MACROD2: variants seen among roughly 807,000 people sequenced by gnomAD.
MACROD2 encodes the protein mono-ADP ribosylhydrolase 2.
In MACROD2, 36 loss-of-function variants were observed where a neutral mutation model predicts 70.4. That is an observed-to-expected ratio of 0.51 (90% CI 0.39 to 0.68). The LOEUF (loss-of-function observed/expected upper bound fraction) is 0.68, where lower values mean the gene tolerates loss of function less well. Ranked by LOEUF, MACROD2 falls within the 30% of genes least tolerant of loss-of-function variation. MACROD2 has a pLI of 0.00. For synonymous variants in MACROD2, 172 were observed against 178.8 expected (o/e 0.96, Z 0.30); for missense variants, 496 against 538.4 (o/e 0.92, Z 0.78).
chr20:14,509,051 G>A (rs1016747006), intron 4 of MACROD2, among the ~76,000 whole-genome samples: 3 of 152,154 alleles, frequency 2.0e-5, no homozygotes, highest in Admixed American at 6.5e-5. Flanking sequence ...AGGAAAATCT[G>A]TATCTAGTTT....
chr20:15,764,987 C>G (rs561815210), intron 8 of MACROD2, among the ~76,000 whole-genome samples: 3 of 152,298 alleles, frequency 2.0e-5, no homozygotes, highest in African/African-American at 7.2e-5. Context: ...AGCCTTTTCA[C>G]TTGCTGTTCC....
chr20:15,007,290 G>A (rs961005254), intron 5 of MACROD2, among the ~76,000 whole-genome samples: 1 of 152,040 alleles, frequency 6.6e-6, no homozygotes, highest in African/African-American at 2.4e-5. Context: ...CGTGAACCTG[G>A]GAGTTGGAGG....
chr20:15,348,266 G>A (rs1446718942), intron 6 of MACROD2, among the ~76,000 whole-genome samples: 5 of 152,188 alleles, frequency 3.3e-5, no homozygotes, highest in Middle Eastern at 3.2e-3. Context: ...AAGGTTCTGA[G>A]TCCCTGGGAA....
chr20:14,800,360 C>G (rs766727341), intron 5 of MACROD2, among the ~76,000 whole-genome samples: 2 of 151,926 alleles, frequency 1.3e-5, no homozygotes, highest in Non-Finnish European at 2.9e-5. Flanking sequence ...AAATCCTTGT[C>G]CCAAAGAAAT....
chr20:14,327,159 T>C lies in MACROD2; in HGVS notation c.272-166320T>C, dbSNP rs777820600. On this transcript the variant is annotated intron_variant, in intron 3 of 17. Transcript: ENST00000684519. ...AAAGTGAATCATAAGTGATAGTCCT[T>C]ATGTTATTTTCTTGCAAATGTAACT... is the stretch of plus-strand genomic sequence containing the variant. 3 of 1,613,750 alleles carry C rather than the reference T, an allele frequency of 1.9e-6. No homozygotes were observed. The East Asian group carries it at 6.7e-5, about 36-fold the overall frequency.
intron 7 of MACROD2, among the ~76,000 whole-genome samples, chr20:15,478,432 G>A (rs527381736): frequency 3.3e-5 from 5 of 152,298 alleles, no homozygotes; most frequent in South Asian, 4.1e-4. Context: ...TCTACAACTT[G>A]TCTACTGATG....
intron 5 of MACROD2, among the ~76,000 whole-genome samples, chr20:15,212,169 T>C (rs1601236323): frequency 6.6e-6 from 1 of 152,236 alleles, no homozygotes; most frequent in African/African-American, 2.4e-5. Flanking sequence ...CAACCATTTC[T>C]CAAACCCTTC....
chr20:14,262,101 A>G (rs1036268748), intron 3 of MACROD2, among the ~76,000 whole-genome samples: 1 of 152,182 alleles, frequency 6.6e-6, no homozygotes, highest in African/African-American at 2.4e-5. Flanking sequence ...ACATGGAGAG[A>G]TATAAAACAA....
chr20:15,484,179 T>C (rs2047135891), intron 7 of MACROD2, among the ~76,000 whole-genome samples: 1 of 152,142 alleles, frequency 6.6e-6, no homozygotes, highest in Non-Finnish European at 1.5e-5. Flanking sequence ...CTGATTCTGA[T>C]GCTTGATCTG....
intron 8 of MACROD2, among the ~76,000 whole-genome samples, chr20:15,810,761 A>T (rs1459364152): frequency 1.3e-5 from 2 of 152,176 alleles, no homozygotes; most frequent in African/African-American, 2.4e-5. Flanking sequence ...GGAACAGAAC[A>T]GTGCCCTCAG....
chr20:15,762,933 G>A lies in MACROD2; in HGVS notation c.646-99812G>A, dbSNP rs1398025799. On this transcript the variant is annotated intron_variant, in intron 8 of 17. Transcript: ENST00000684519. Reference sequence around the variant, plus strand: ...AACATATACACATACCAAATGGAGTGGAAGTCTTGGTGTCTTACATCCAGA... The same window carrying A: ...AACATATACACATACCAAATGGAGTAGAAGTCTTGGTGTCTTACATCCAGA... Among the ~76,000 whole-genome samples the A allele has an allele frequency of 2.0e-5, 3 of 152,156 alleles. No individual in the cohort carries two copies. In the East Asian group the frequency reaches 5.8e-4, roughly 29 times the overall value.
intron 5 of MACROD2, among the ~76,000 whole-genome samples, chr20:15,035,450 A>C (rs984863923): frequency 1.1e-4 from 17 of 151,208 alleles, no homozygotes; most frequent in Non-Finnish European, 2.5e-4. Flanking sequence ...GTAGGTAAAA[A>C]ATTGTAGTCA....
chr20:15,091,299 G>A (rs1448560894), intron 5 of MACROD2, among the ~76,000 whole-genome samples: 1 of 151,150 alleles, frequency 6.6e-6, no homozygotes, highest in East Asian at 1.9e-4. Flanking sequence ...TCCAAACTAA[G>A]ATGGGGATAT....
chr20:14,442,333 A>G (rs1271663852), intron 3 of MACROD2, among the ~76,000 whole-genome samples: 2 of 152,006 alleles, frequency 1.3e-5, no homozygotes, highest in Non-Finnish European at 2.9e-5. Context: ...ATATATATAC[A>G]TTATATTTAC....
chr20:15,000,253 T>C (rs74501794), intron 5 of MACROD2, among the ~76,000 whole-genome samples: 5,493 of 152,168 alleles, frequency 0.036, 350 homozygotes, highest in African/African-American at 0.13. Flanking sequence ...AACAAACAAA[T>C]AAAATCTATT....
At chr20:14,834,714 T>C (rs1394810972) in intron 5 of MACROD2, among the ~76,000 whole-genome samples, 1 of 152,066 alleles carries the variant, frequency 6.6e-6, no homozygotes, top group African/African-American at 2.4e-5. Flanking sequence ...TACTTTATTC[T>C]ATTATCTTCC....
intron 5 of MACROD2, among the ~76,000 whole-genome samples, chr20:15,074,120 T>C (rs1330247933): frequency 2.6e-5 from 4 of 152,212 alleles, no homozygotes; most frequent in Admixed American, 6.5e-5. Flanking sequence ...CCTCTGTGTC[T>C]TTCTATAAGC....
chr20:15,706,467 A>G (rs1411509245), intron 8 of MACROD2, among the ~76,000 whole-genome samples: 1 of 152,214 alleles, frequency 6.6e-6, no homozygotes, highest in Non-Finnish European at 1.5e-5. Flanking sequence ...CAAAAATTCC[A>G]TGACTCTATA....
intron 3 of MACROD2, among the ~76,000 whole-genome samples, chr20:14,432,001 T>C (rs902999771): frequency 6.6e-6 from 1 of 152,186 alleles, no homozygotes; most frequent in African/African-American, 2.4e-5. Context: ...TGACTATCTG[T>C]TGTAAGAGAA....
Sources: allele counts gnomAD v4.1 joint callset (sites outside exome capture counted in the v4.1 genomes callset), GRCh38; gene constraint gnomAD v4.1.1; transcripts MANE v1.5; gene names NCBI Gene and HGNC (gene_info 2026-07-23, HGNC 2026-07-21).